Variants in FBXL13 observed in about 807,000 individuals in gnomAD.
The protein encoded by FBXL13 is F-box and leucine-rich repeat protein 13.
In FBXL13, 67 loss-of-function variants were observed where a neutral mutation model predicts 83.6. The ratio of observed to expected loss-of-function variants is 0.80; its 90% CI spans 0.66 to 0.98. The LOEUF is 0.98. Among genes scored for constraint, FBXL13 ranks in the 50% least tolerant of loss-of-function variants. FBXL13 has a pLI of 0.00. For synonymous variants in FBXL13, 272 were observed against 299.5 expected (o/e 0.91, Z 0.95); for missense variants, 822 against 866.5 (o/e 0.95, Z 0.64).
At chr7:102,889,605 C>T (rs2129460055) in intron 11 of FBXL13, among the ~76,000 whole-genome samples, 2 of 152,106 alleles carry the variant, frequency 1.3e-5, no homozygotes, top group Middle Eastern at 6.8e-3. Context: ...TGTTCCCTGC[C>T]TTGTGTCCAG....
intron 6 of FBXL13, among the ~76,000 whole-genome samples, chr7:103,000,817 G>A (rs1237463710): frequency 6.6e-6 from 1 of 152,168 alleles, no homozygotes; most frequent in East Asian, 1.9e-4. Context: ...TTACTGAGTT[G>A]CTCCTATATC....
At chr7:102,899,019 G>A (rs1812641637) in intron 11 of FBXL13, among the ~76,000 whole-genome samples, 1 of 152,086 alleles carries the variant, frequency 6.6e-6, no homozygotes, top group Admixed American at 6.6e-5. Context: ...GGGTTCAAGC[G>A]ATTCTCCTGC....
intron 7 of FBXL13, among the ~76,000 whole-genome samples, chr7:102,964,117 C>T (rs983959401): frequency 6.6e-6 from 1 of 151,970 alleles, no homozygotes; most frequent in Non-Finnish European, 1.5e-5. Context: ...TCAAGACCAG[C>T]CTAGCCAACA....
chr7:102,909,810 A>G (rs1465062381), intron 11 of FBXL13, among the ~76,000 whole-genome samples: 2 of 152,152 alleles, frequency 1.3e-5, no homozygotes, highest in Non-Finnish European at 2.9e-5. Flanking sequence ...CCTCAAGGGA[A>G]AGGAAGGGGT....
chr7:102,958,633 C>T (rs1824689255), intron 8 of FBXL13, among the ~76,000 whole-genome samples: 1 of 151,746 alleles, frequency 6.6e-6, no homozygotes, highest in Non-Finnish European at 1.5e-5. Context: ...ATTTTATTAA[C>T]TTTTTATTAC....
At chr7:103,021,063 T>C (rs1028017383) in intron 6 of FBXL13, among the ~76,000 whole-genome samples, 2 of 152,252 alleles carry the variant, frequency 1.3e-5, no homozygotes, top group South Asian at 4.1e-4. Context: ...GGAGGCATCA[T>C]GCTACCTGAC....
intron 11 of FBXL13, among the ~76,000 whole-genome samples, chr7:102,910,197 A>G (rs891529278): frequency 6.6e-6 from 1 of 151,970 alleles, no homozygotes; most frequent in Non-Finnish European, 1.5e-5. Flanking sequence ...ATGCCTCACA[A>G]TTGGTGTATT....
intron 8 of FBXL13, among the ~76,000 whole-genome samples, chr7:102,959,015 C>T (rs1428839280): frequency 1.3e-5 from 2 of 151,864 alleles, no homozygotes; most frequent in Non-Finnish European, 2.9e-5. Context: ...CAAAAAAGGT[C>T]CTAAACAATG....
At position 102,884,438 on chromosome 7, in the gene FBXL13, G is replaced by A. The variant is rs374511504; in HGVS notation, c.1009-126C>T. 3.2e-5 allele frequency: 21 copies of A among 656,830 alleles called. No individual in the cohort carries two copies. The East Asian group carries it at 4.1e-4, about 13-fold the overall frequency. The allele number at this position is 656,830 out of a possible 1,614,324, so 40.7% of individuals were successfully genotyped here. On this transcript the variant is annotated intron_variant, in intron 11 of 19. Coordinates refer to ENST00000313221, the Ensembl canonical transcript of FBXL13. ...TTAAAATTAACCATAAAATGTGGCA[G>A]ACACAAGAGGGAAAGAATCTAGTCT...
intron 8 of FBXL13, among the ~76,000 whole-genome samples, chr7:102,960,060 G>A (rs1455327682): frequency 1.3e-5 from 2 of 151,896 alleles, no homozygotes; most frequent in African/African-American, 4.8e-5. Context: ...ATAGGTTTGA[G>A]GGAAGTGAAA....
chr7:102,818,292 G>A (rs552805070), intron 19 of FBXL13, among the ~76,000 whole-genome samples: 2 of 152,312 alleles, frequency 1.3e-5, no homozygotes, highest in Admixed American at 6.5e-5. Context: ...GCGAAGAGCA[G>A]CACAGTATGA....
chr7:102,951,909 T>C (rs1302821388), intron 8 of FBXL13, among the ~76,000 whole-genome samples: 1 of 152,052 alleles, frequency 6.6e-6, no homozygotes, highest in African/African-American at 2.4e-5. Context: ...ATATTTATAG[T>C]AGTATTATTC....
chr7:102,883,752 A>ATT, intron 12 of FBXL13, 67 bp from the exon 14 acceptor site: 1 of 945,138 alleles, frequency 1.1e-6, no homozygotes, highest in Non-Finnish European at 1.6e-6. Flanking sequence ...TAATGAAGTC[A>ATT]CTTTTTCCTT....
At chr7:103,040,619 A>C (rs1411755242) in intron 2 of FBXL13, among the ~76,000 whole-genome samples, 1 of 152,210 alleles carries the variant, frequency 6.6e-6, no homozygotes, top group Non-Finnish European at 1.5e-5. Context: ...ATCACAAAAA[A>C]CTGTCTCGCA....
At chr7:102,917,496 C>A (rs1816137925) in intron 10 of FBXL13, among the ~76,000 whole-genome samples, 1 of 152,198 alleles carries the variant, frequency 6.6e-6, no homozygotes, top group African/African-American at 2.4e-5. Context: ...GGAAAAATCA[C>A]TGCAGACTTC....
chr7:102,970,113 T>C (rs1471320861), intron 6 of FBXL13, among the ~76,000 whole-genome samples: 1 of 151,962 alleles, frequency 6.6e-6, no homozygotes, highest in African/African-American at 2.4e-5. Flanking sequence ...TAGTCATATA[T>C]GGTGGTGCAC....
At position 103,041,115 on chromosome 7, in the gene FBXL13, T is replaced by C. The variant is rs1242721560; in HGVS notation, c.1-11697A>G. 6.6e-5 allele frequency among the ~76,000 whole-genome samples: 10 copies of C among 152,004 alleles called. No individual in the cohort carries two copies. The East Asian group carries it at 1.9e-3, about 29-fold the overall frequency. ...AAGAAGAAAAGAGAGAAGAATCAAATAGATACAATAAAAAATGATAAAGGG... is the reference window on the plus strand; with the variant it reads ...AAGAAGAAAAGAGAGAAGAATCAAACAGATACAATAAAAAATGATAAAGGG... On this transcript the variant is annotated intron_variant, in intron 2 of 19. Coordinates refer to ENST00000313221, the Ensembl canonical transcript of FBXL13.
chr7:102,892,198 T>G (rs1811619884), intron 11 of FBXL13, among the ~76,000 whole-genome samples: 1 of 152,350 alleles, frequency 6.6e-6, no homozygotes, highest in South Asian at 2.1e-4. Context: ...CCCCTGAGAC[T>G]CATCACTTTG....
intron 1 of FBXL13, among the ~76,000 whole-genome samples, chr7:103,062,266 C>T (rs1797998078): frequency 6.6e-6 from 1 of 152,084 alleles, no homozygotes; most frequent in East Asian, 1.9e-4. Flanking sequence ...GTGGGGCAGT[C>T]CTTGTTTGTC....
Sources: gnomAD v4.1 joint callset for allele counts (sites outside exome capture counted in the v4.1 genomes callset) on GRCh38, gnomAD v4.1.1 for gene constraint, MANE v1.5 for transcripts, NCBI Gene and HGNC (gene_info 2026-07-23, HGNC 2026-07-21) for gene names.